Variants in ZFYVE1 observed in about 807,000 individuals in gnomAD.
ZFYVE1 encodes zinc finger FYVE domain-containing protein 1.
ZFYVE1 carries 30 observed loss-of-function variants against 74.4 expected under a neutral mutation model. The ratio of observed to expected loss-of-function variants is 0.40; its 90% CI spans 0.30 to 0.55. The LOEUF is 0.55. Ranked by LOEUF, ZFYVE1 falls within the 20% of genes least tolerant of loss-of-function variation. The pLI is 0.42. For synonymous variants in ZFYVE1, 335 were observed against 385.1 expected (o/e 0.87, Z 1.52); for missense variants, 703 against 1,011.6 (o/e 0.69, Z 4.14).
intron 2 of ZFYVE1, among the ~76,000 whole-genome samples, chr14:73,019,876 A>C (rs1490114611): frequency 6.6e-6 from 1 of 151,226 alleles, no homozygotes; most frequent in East Asian, 2.0e-4. Flanking sequence ...ACTTGAACCC[A>C]GGAGACGGAG....
rs998403660 is a variant in ZFYVE1 at position 73,024,677 on chromosome 14, T to C, written c.-169A>G. ...GTTATAGTTCTTCACAAACAAATGT[T>C]CAAATTTTTAATTTGCTGCCTCTAA... On this transcript the variant is annotated 5_prime_UTR_variant, in exon 2 of 12. Coordinates refer to ENST00000556143, the MANE Select transcript of ZFYVE1 (RefSeq NM_021260.4). 1.0e-4 allele frequency: 109 copies of C among 1,062,370 alleles called. 4 individuals carry two copies. The highest frequency in any genetic ancestry group is 6.4e-6 in the Non-Finnish European group (5 of 779,130). The allele number at this position is 1,062,370 out of a possible 1,614,324, so 65.8% of individuals were successfully genotyped here.
At chr14:72,988,473 C>A (rs948346402) in intron 4 of ZFYVE1, among the ~76,000 whole-genome samples, 2 of 148,186 alleles carry the variant, frequency 1.3e-5, no homozygotes, top group Admixed American at 6.7e-5. Flanking sequence ...CTGCACCTGG[C>A]CTAATAACTT....
chr14:73,019,680 G>A (rs534523105), intron 2 of ZFYVE1, among the ~76,000 whole-genome samples: 11 of 152,332 alleles, frequency 7.2e-5, no homozygotes, highest in Admixed American at 2.6e-4. Flanking sequence ...GAGGCCAGGC[G>A]CAGTGGCTCA....
rs34303517 is a variant in ZFYVE1, at chr14:73,024,044, G to A, written c.465C>T (p.Asp155=). The A allele has an allele frequency of 4.9e-3, 7,856 of 1,613,656 alleles. 85 individuals are homozygous for A. Among genetic ancestry groups the A allele is most frequent in the African/African-American group, 0.029 (2,177 of 74,874 alleles). ...TGCTTACCTGAATTTCTTCATTTTC[G>A]TCTACTAGGAGGAAACTCACAACCT... is the stretch of plus-strand genomic sequence containing the variant. ...TEKVVSFLLV[D]ENEEIQVTNE... The change falls in exon 2 of 12, where the codon GAC becomes GAT. Residue 155 remains aspartate (D), a synonymous_variant. Transcript: ENST00000556143.
intron 11 of ZFYVE1, among the ~76,000 whole-genome samples, 180 bp downstream of exon 11, chr14:72,973,900 A>G (rs1893097189): frequency 6.6e-6 from 1 of 152,230 alleles, no homozygotes; most frequent in Non-Finnish European, 1.5e-5. Context: ...GCTTCCAGCA[A>G]TAAACATGAA....
intron 2 of ZFYVE1, among the ~76,000 whole-genome samples, chr14:73,002,794 T>C (rs1893900360): frequency 6.7e-6 from 1 of 148,760 alleles, no homozygotes; most frequent in Non-Finnish European, 1.5e-5. Flanking sequence ...CAGGCTGGAG[T>C]GCAGTGGCGC....
At position 73,015,298 on chromosome 14, in the gene ZFYVE1, A is replaced by AAGGGAGGGAGGG. The variant is rs1385168209; in HGVS notation, c.483+8716_483+8727dup. On this transcript the variant is annotated intron_variant, in intron 2 of 11. Transcript: ENST00000556143. ...GAAGGAAGGAAGGAAGGAAGGAAAG[A>AAGGGAGGGAGGG]AGGGAGGGAGGGAGGGAGGGAAGGG... 4.2e-5 allele frequency among the ~76,000 whole-genome samples: 3 copies of AAGGGAGGGAGGG among 71,910 alleles called. No homozygotes were observed. In the Admixed American group the frequency reaches 4.9e-4, roughly 12 times the overall value. The allele number at this position is 71,910 out of a possible 152,430, so 47.2% of individuals were successfully genotyped here. A position where few individuals can be genotyped will look rare whatever the true frequency, so the allele number is the denominator to read the frequency against.
chr14:72,984,291 G>A (rs1893420853), intron 4 of ZFYVE1, among the ~76,000 whole-genome samples: 1 of 152,192 alleles, frequency 6.6e-6, no homozygotes, highest in South Asian at 2.1e-4. Flanking sequence ...AGCATTTTGG[G>A]AGGCCAAGGT....
At chr14:73,014,585 T>C (rs774347098) in intron 2 of ZFYVE1, among the ~76,000 whole-genome samples, 4 of 152,244 alleles carry the variant, frequency 2.6e-5, no homozygotes, top group Non-Finnish European at 5.9e-5. Flanking sequence ...ATAATAGATA[T>C]ATTCATATTC....
intron 5 of ZFYVE1, chr14:72,979,221 C>T (rs1015850248): frequency 7.6e-6 from 3 of 397,318 alleles, no homozygotes; most frequent in Middle Eastern, 8.0e-4. Context: ...AAATCTCAGC[C>T]GGGCACGGTG....
intron 4 of ZFYVE1, among the ~76,000 whole-genome samples, chr14:72,990,679 C>G (rs925855771): frequency 6.9e-6 from 1 of 145,442 alleles, no homozygotes; most frequent in Non-Finnish European, 1.5e-5. Flanking sequence ...CGTGAGCCAC[C>G]GCACCTGGCC....
intron 2 of ZFYVE1, among the ~76,000 whole-genome samples, chr14:73,008,106 A>G (rs906079113): frequency 6.6e-6 from 1 of 152,238 alleles, no homozygotes; most frequent in Non-Finnish European, 1.5e-5. Flanking sequence ...TATGCTTCAC[A>G]GAGACTGCCT....
intron 4 of ZFYVE1, among the ~76,000 whole-genome samples, chr14:72,990,813 G>A (rs1893593198): frequency 7.0e-6 from 1 of 143,734 alleles, no homozygotes; most frequent in South Asian, 2.2e-4. Flanking sequence ...TGATTCTCCT[G>A]CCTCAGCCTC....
intron 4 of ZFYVE1, chr14:72,986,777 G>C: frequency 1.7e-6 from 1 of 594,252 alleles, no homozygotes; most frequent in Non-Finnish European, 2.1e-6. Flanking sequence ...TGATCCACCT[G>C]CCTCAGCCTG....
At chr14:73,017,581 G>A (rs1419062841) in intron 2 of ZFYVE1, among the ~76,000 whole-genome samples, 1 of 152,166 alleles carries the variant, frequency 6.6e-6, no homozygotes, top group Non-Finnish European at 1.5e-5. Context: ...ATAAGCAAGT[G>A]TTATTTGTAC....
chr14:73,021,998 C>T (rs1037964435), intron 2 of ZFYVE1, among the ~76,000 whole-genome samples: 2 of 152,244 alleles, frequency 1.3e-5, no homozygotes, highest in Non-Finnish European at 2.9e-5. Context: ...AGCTTCCCCT[C>T]ATTTGACAAA....
chr14:72,980,293 AAGG>A (rs1466464741), intron 5 of ZFYVE1, among the ~76,000 whole-genome samples: 1 of 152,214 alleles, frequency 6.6e-6, no homozygotes, highest in Admixed American at 6.5e-5. Context: ...ACTCCTGTAA[AAGG>A]AGAAGTGTGC....
chr14:73,001,185 T>A (rs1893862721), intron 2 of ZFYVE1, among the ~76,000 whole-genome samples: 1 of 115,320 alleles, frequency 8.7e-6, no homozygotes, highest in Non-Finnish European at 2.2e-5. Flanking sequence ...GTTGTTTTTT[T>A]CTTTTTTTCA....
At chr14:72,971,941 G>T (rs1046954872) in intron 11 of ZFYVE1, among the ~76,000 whole-genome samples, 7 of 152,166 alleles carry the variant, frequency 4.6e-5, no homozygotes, top group African/African-American at 1.7e-4. Flanking sequence ...GTTAGCTAAG[G>T]CTGGGCATGG....
Sources: gnomAD v4.1 joint callset for allele counts (sites outside exome capture counted in the v4.1 genomes callset) on GRCh38, gnomAD v4.1.1 for gene constraint, MANE v1.5 for transcripts, NCBI Gene and HGNC (gene_info 2026-07-23, HGNC 2026-07-21) for gene names.